The following NTF3 variants were observed in gnomAD, a reference collection of about 807,000 sequenced individuals.
The protein encoded by NTF3 is neurotrophin-3.
In NTF3, 8 loss-of-function variants were observed where a neutral mutation model predicts 26.3. The ratio of observed to expected loss-of-function variants is 0.30; its 90% CI spans 0.18 to 0.55. NTF3 has a LOEUF of 0.55. NTF3 is among the 20% of genes least tolerant of loss of function. NTF3 has a pLI of 0.93. For synonymous variants in NTF3, 154 were observed against 145.5 expected (o/e 1.06, Z -0.42); for missense variants, 276 against 352.9 (o/e 0.78, Z 1.75).
At chr12:5,472,106 A>G (rs918590199) in intron 1 of NTF3, among the ~76,000 whole-genome samples, 4 of 152,168 alleles carry the variant, frequency 2.6e-5, no homozygotes, top group African/African-American at 9.7e-5. Context: ...TCTCTGTGTA[A>G]TTAGGCTCCG....
At chr12:5,447,635 A>G (rs1940322441) in intron 1 of NTF3, among the ~76,000 whole-genome samples, 1 of 152,240 alleles carries the variant, frequency 6.6e-6, no homozygotes, top group South Asian at 2.1e-4. Context: ...GAGATGATGC[A>G]TAGGATCGTG....
rs558860487 is a variant in NTF3 at position 5,456,474 on chromosome 12, C to T, written c.18+24132C>T. Among the ~76,000 whole-genome samples the T allele has an allele frequency of 2.0e-5, 3 of 152,278 alleles. No homozygotes were observed. The South Asian group carries it at 6.2e-4, about 32-fold the overall frequency. On this transcript the variant is annotated intron_variant, in intron 1 of 1. Coordinates refer to ENST00000423158, the MANE Select transcript of NTF3 (RefSeq NM_001102654.2). This position sits in a 1 kb window ranked among gnomAD's most constrained non-coding sequence, Gnocchi z 4.4. ...GCCAAGAGTACTTAATCCATCCCCA[C>T]TTGTGGGGCCAACGGCACCTAACCA...
At chr12:5,445,721 G>C (rs114774983) in intron 1 of NTF3, among the ~76,000 whole-genome samples, 3 of 152,220 alleles carry the variant, frequency 2.0e-5, no homozygotes, top group African/African-American at 7.2e-5. Flanking sequence ...GTGCAGCCAC[G>C]TTGAGAACCA....
At chr12:5,444,419 CAACCCTGGGAAGTA>C (rs2121154066) in intron 1 of NTF3, among the ~76,000 whole-genome samples, 1 of 152,310 alleles carries the variant, frequency 6.6e-6, no homozygotes, top group Non-Finnish European at 1.5e-5. Flanking sequence ...TGGAGCCAAA[CAACCCTGGGAAGTA>C]ACTAGGAAAC....
At chr12:5,432,944 C>G (rs1940115718) in intron 1 of NTF3, among the ~76,000 whole-genome samples, 1 of 152,152 alleles carries the variant, frequency 6.6e-6, no homozygotes, top group African/African-American at 2.4e-5. Flanking sequence ...TCAGCTCGCC[C>G]CAGCACCACT....
At chr12:5,473,631 TGA>T (rs1387185068) in intron 1 of NTF3, among the ~76,000 whole-genome samples, 1 of 152,280 alleles carries the variant, frequency 6.6e-6, no homozygotes, top group Non-Finnish European at 1.5e-5. Context: ...AGGTGGAGTG[TGA>T]GAGAGAGGAG....
At chr12:5,452,364 G>A (rs1389416985) in intron 1 of NTF3, among the ~76,000 whole-genome samples, 1 of 152,094 alleles carries the variant, frequency 6.6e-6, no homozygotes, top group African/African-American at 2.4e-5. Context: ...CAAAGTGCTG[G>A]AATTACAGGC....
chr12:5,435,292 C>T (rs1940152838), intron 1 of NTF3, among the ~76,000 whole-genome samples: 1 of 152,226 alleles, frequency 6.6e-6, no homozygotes, highest in African/African-American at 2.4e-5. Context: ...ACTGGATGCT[C>T]AGCCCATTGC....
upstream of NTF3, among the ~76,000 whole-genome samples, chr12:5,430,868 G>A (rs1940077000): frequency 6.6e-6 from 1 of 152,014 alleles, no homozygotes; most frequent in African/African-American, 2.4e-5. Context: ...TGAAGTGGCA[G>A]GGAGGAAGGG....
rs572042979 is a variant in NTF3 at position 5,469,382 on chromosome 12, G to A, written c.19-24812G>A. On this transcript the variant is annotated intron_variant, in intron 1 of 1. Coordinates refer to ENST00000423158, the MANE Select transcript of NTF3 (RefSeq NM_001102654.2). ...GCGGCAGAGCTTAGACACCTGCTGC[G>A]AAGGGAGAGAAGTGGGGACAGAAAG... is the stretch of plus-strand genomic sequence containing the variant. 1.1e-4 allele frequency among the ~76,000 whole-genome samples: 17 copies of A among 152,276 alleles called. No individual in the cohort carries two copies. The South Asian group carries it at 2.1e-3, about 19-fold the overall frequency.
At chr12:5,444,959 A>G (rs1326411523) in intron 1 of NTF3, among the ~76,000 whole-genome samples, 2 of 152,254 alleles carry the variant, frequency 1.3e-5, no homozygotes, top group African/African-American at 4.8e-5. Flanking sequence ...TGCATTGATT[A>G]GAATGTCTCT....
chr12:5,484,955 CTCA>C (rs1204434439), intron 1 of NTF3, among the ~76,000 whole-genome samples: 13 of 152,188 alleles, frequency 8.5e-5, no homozygotes, highest in Admixed American at 3.9e-4. Flanking sequence ...TATTTTGTTT[CTCA>C]TCATCAGCTG....
chr12:5,463,387 G>A (rs1343358289), intron 1 of NTF3, among the ~76,000 whole-genome samples: 1 of 152,144 alleles, frequency 6.6e-6, no homozygotes, highest in Non-Finnish European at 1.5e-5. Context: ...AAATGACAAG[G>A]TAAAATAGAA....
chr12:5,473,753 A>G (rs1296352980), intron 1 of NTF3, among the ~76,000 whole-genome samples: 1 of 152,162 alleles, frequency 6.6e-6, no homozygotes, highest in Non-Finnish European at 1.5e-5. Flanking sequence ...CTCATTCCCA[A>G]AGAGAGGCAA....
chr12:5,457,961 G>A (rs895009847), intron 1 of NTF3, among the ~76,000 whole-genome samples: 9 of 152,212 alleles, frequency 5.9e-5, no homozygotes, highest in African/African-American at 1.7e-4. Flanking sequence ...CTGCCGCTAC[G>A]CTAATCAAAA....
At chr12:5,483,450 A>C (rs1012963934) in intron 1 of NTF3, among the ~76,000 whole-genome samples, 2 of 152,196 alleles carry the variant, frequency 1.3e-5, no homozygotes, top group Admixed American at 6.5e-5. Flanking sequence ...TTCCTCATCC[A>C]GGTACTGAAT....
At chr12:5,486,883 G>A (rs1940872398) in intron 1 of NTF3, among the ~76,000 whole-genome samples, 1 of 33,132 alleles carries the variant, frequency 3.0e-5, no homozygotes, top group African/African-American at 1.8e-4. Flanking sequence ...GTTACGTGGT[G>A]TGTGTGTGTG....
chr12:5,439,658 T>G (rs966765848), intron 1 of NTF3, among the ~76,000 whole-genome samples: 3 of 152,226 alleles, frequency 2.0e-5, no homozygotes, highest in Non-Finnish European at 2.9e-5. Context: ...GGATATTGAT[T>G]TAAGCCACAA....
chr12:5,482,889 T>TG (rs1391217385), intron 1 of NTF3, among the ~76,000 whole-genome samples: 11 of 150,100 alleles, frequency 7.3e-5, no homozygotes, highest in African/African-American at 2.5e-4. Context: ...TCTGTGTGTG[T>TG]TTTTTTTTCT....
Sources: gnomAD v4.1 joint callset for allele counts (sites outside exome capture counted in the v4.1 genomes callset) on GRCh38, gnomAD v4.1.1 for gene constraint, Gnocchi (gnomAD v3.1) non-coding constraint, MANE v1.5 for transcripts, NCBI Gene and HGNC (gene_info 2026-07-23, HGNC 2026-07-21) for gene names.